The following ATP11A variants were observed in gnomAD, a reference collection of about 807,000 sequenced individuals.
ATP11A encodes ATPase phospholipid transporting 11A.
ATP11A carries 81 observed loss-of-function variants against 154.4 expected under a neutral mutation model. The ratio of observed to expected loss-of-function variants is 0.52; its 90% CI spans 0.44 to 0.63. ATP11A has a LOEUF of 0.63. Among genes scored for constraint, ATP11A ranks in the 30% least tolerant of loss-of-function variants. The pLI is 0.00. For synonymous variants in ATP11A, 623 were observed against 585.9 expected (o/e 1.06, Z -0.91); for missense variants, 1,316 against 1,474.3 (o/e 0.89, Z 1.76).
chr13:112,708,525 T>C (rs1029653495), intron 1 of ATP11A, among the ~76,000 whole-genome samples: 1 of 152,254 alleles, frequency 6.6e-6, no homozygotes, highest in African/African-American at 2.4e-5. Context: ...ATCTTCGCAG[T>C]TGACAGAAAA....
At chr13:112,797,914 T>C (rs1457897855) in intron 2 of ATP11A, among the ~76,000 whole-genome samples, 1 of 152,150 alleles carries the variant, frequency 6.6e-6, no homozygotes, top group East Asian at 1.9e-4. Context: ...AGAAGAGACA[T>C]TGATTTCCCC....
chr13:112,852,410 T>C (rs565993366), intron 18 of ATP11A, among the ~76,000 whole-genome samples: 148 of 152,220 alleles, frequency 9.7e-4, no homozygotes, highest in African/African-American at 3.3e-3. Context: ...TTTGGTTTGG[T>C]GGTTTTGTGT....
At chr13:112,856,818 G>T (rs1244702168) in intron 20 of ATP11A, 1 of 152,170 alleles carries the variant, frequency 6.6e-6, no homozygotes, top group Non-Finnish European at 1.5e-5. Flanking sequence ...AGTGGTTAAG[G>T]TAAAATGCGT....
At chr13:112,769,492 G>A (rs1031712679) in intron 1 of ATP11A, among the ~76,000 whole-genome samples, 2 of 152,210 alleles carry the variant, frequency 1.3e-5, no homozygotes, top group African/African-American at 4.8e-5. Flanking sequence ...CCAAAACCAG[G>A]TTCTCTTCTG....
At chr13:112,776,308 C>G (rs1242729135) in intron 1 of ATP11A, among the ~76,000 whole-genome samples, 3 of 152,202 alleles carry the variant, frequency 2.0e-5, no homozygotes, top group Non-Finnish European at 2.9e-5. Flanking sequence ...CATCCCCGGA[C>G]TGGGCGCATT....
In ATP11A at chr13:112,882,996, C is replaced by CT; in HGVS notation, c.*1130_*1131insT. On this transcript the variant is annotated 3_prime_UTR_variant, in exon 30 of 30. Transcript: ENST00000375645. The surrounding 1 kb of genome is among the most constrained non-coding windows in gnomAD (Gnocchi z 5.1). ...CAGCTCCGCCCGCCGGGCTCTGCGTCCCCACGTCCCCTCGTCCCATCCCCA... is the reference window on the plus strand; with the variant it reads ...CAGCTCCGCCCGCCGGGCTCTGCGTCTCCCACGTCCCCTCGTCCCATCCCCA... 2.5e-6 allele frequency: 1 copy of CT among 399,148 alleles called. No individual in the cohort carries two copies. Among genetic ancestry groups the CT allele is most frequent in the Non-Finnish European group, 4.4e-6 (1 of 226,496 alleles). The allele number at this position is 399,148 out of a possible 1,614,324, so 24.7% of individuals were successfully genotyped here.
intron 12 of ATP11A, among the ~76,000 whole-genome samples, chr13:112,829,601 T>C (rs2079035539): frequency 6.6e-6 from 1 of 152,170 alleles, no homozygotes; most frequent in South Asian, 2.1e-4. Context: ...CAGCTGGCAA[T>C]GGAGAAAAGG....
At chr13:112,856,853 G>A (rs1299226458) in intron 20 of ATP11A, 2 of 152,232 alleles carry the variant, frequency 1.3e-5, no homozygotes, top group South Asian at 2.1e-4. Flanking sequence ...GGAAACCAAG[G>A]AGGTGAAAAG....
intron 1 of ATP11A, among the ~76,000 whole-genome samples, chr13:112,735,772 C>G (rs376098521): frequency 6.6e-6 from 1 of 152,208 alleles, no homozygotes; most frequent in African/African-American, 2.4e-5. Context: ...GCGTGATTCA[C>G]CTAACATCGC....
chr13:112,880,798 C>T (rs1043729264), intron 29 of ATP11A: 2 of 1,149,778 alleles, frequency 1.7e-6, no homozygotes, highest in African/African-American at 3.3e-5. Flanking sequence ...CATTTGCTGT[C>T]CCAGGTAAGT....
intron 5 of ATP11A, among the ~76,000 whole-genome samples, chr13:112,813,794 T>C (rs1003195563): frequency 1.3e-5 from 2 of 152,244 alleles, no homozygotes; most frequent in Non-Finnish European, 2.9e-5. Flanking sequence ...AGCTTAAATA[T>C]GTCCCTGACG....
chr13:112,796,588 A>G (rs546486010), intron 2 of ATP11A, among the ~76,000 whole-genome samples: 1 of 152,354 alleles, frequency 6.6e-6, no homozygotes, highest in South Asian at 2.1e-4. Flanking sequence ...TGATACTTTA[A>G]TTTTAACCCA....
Position 112,862,421 on chromosome 13 carries a change from G to C in ATP11A, c.2856-19G>C. The C allele has an allele frequency of 6.2e-7, 1 of 1,612,772 alleles. No homozygotes were observed. The highest frequency in any genetic ancestry group is 8.5e-7 in the Non-Finnish European group (1 of 1,179,864). The stretch of plus-strand genomic sequence containing the variant: ...CCTGATTCTCGAGGACACACGCTGT[G>C]CACCTTTCTCCTCACCAGGGACGTC... On this transcript the variant is annotated intron_variant, in intron 24 of 29. Coordinates refer to ENST00000375645, the MANE Select transcript of ATP11A (RefSeq NM_015205.3).
At chr13:112,863,262 A>G (rs1437183905) in intron 25 of ATP11A, among the ~76,000 whole-genome samples, 60 of 126,300 alleles carry the variant, frequency 4.8e-4, no homozygotes, top group East Asian at 7.9e-4. Context: ...AATTCAGTGC[A>G]AACCATGCAG....
chr13:112,861,503 G>A (rs1468785685), intron 24 of ATP11A, among the ~76,000 whole-genome samples: 2 of 152,182 alleles, frequency 1.3e-5, no homozygotes, highest in Admixed American at 6.5e-5. Context: ...GTACATGTGT[G>A]TACATGACAC....
intron 1 of ATP11A, among the ~76,000 whole-genome samples, chr13:112,693,909 A>C (rs914008888): frequency 6.6e-6 from 1 of 152,172 alleles, no homozygotes; most frequent in Non-Finnish European, 1.5e-5. Flanking sequence ...CTGAGATCGC[A>C]CCATTGCACT....
Position 112,878,433 on chromosome 13 carries a change from C to A in ATP11A, c.*9+130C>A, listed in dbSNP as rs996074109. 6.5e-6 allele frequency: 6 copies of A among 924,386 alleles called. No homozygotes were observed. The East Asian group carries it at 1.3e-4, about 19-fold the overall frequency. 57.3% of individuals were successfully genotyped at this position (924,386 alleles called of 1,614,324 possible). On this transcript the variant is annotated intron_variant, in intron 29 of 29. Coordinates refer to ENST00000375645, the MANE Select transcript of ATP11A (RefSeq NM_015205.3). The stretch of plus-strand genomic sequence containing the variant: ...CCAGGCGCTGGGTACAGCAGCCTCA[C>A]GTCGGGAAGTCCCGCCACCACTTAC...
intron 18 of ATP11A, 151 bp from the exon 19 acceptor site, chr13:112,854,127 TC>T: frequency 1.0e-6 from 1 of 995,788 alleles, no homozygotes; most frequent in South Asian, 1.6e-5. Context: ...CTTCAGTACT[TC>T]GTGGTGAGAT....
At chr13:112,823,938 T>C (rs1302802139) in intron 9 of ATP11A, among the ~76,000 whole-genome samples, 1 of 152,236 alleles carries the variant, frequency 6.6e-6, no homozygotes. Context: ...TCACATCATC[T>C]TAGATTACTT....
Sources: gnomAD v4.1 joint callset for allele counts (sites outside exome capture counted in the v4.1 genomes callset) on GRCh38, gnomAD v4.1.1 for gene constraint, Gnocchi (gnomAD v3.1) non-coding constraint, MANE v1.5 for transcripts, NCBI Gene and HGNC (gene_info 2026-07-23, HGNC 2026-07-21) for gene names.